The following CNTN1 variants were observed in gnomAD, a reference collection of about 807,000 sequenced individuals.
CNTN1 encodes contactin-1.
CNTN1 carries 38 observed loss-of-function variants against 126.4 expected under a neutral mutation model. The ratio of observed to expected loss-of-function variants is 0.30; its 90% CI spans 0.23 to 0.39. The LOEUF (loss-of-function observed/expected upper bound fraction) is 0.39, where lower values mean the gene tolerates loss of function less well. Ranked by LOEUF, CNTN1 falls within the 10% of genes least tolerant of loss-of-function variation. The pLI, the probability that CNTN1 is intolerant of heterozygous loss-of-function variation, is 1.00. For missense variants in CNTN1, 1,009 were observed against 1,248.4 expected (o/e 0.81, Z 2.89); for synonymous variants, 413 against 422.6 (o/e 0.98, Z 0.28).
chr12:40,741,796 T>C (rs1355917934), intron 1 of CNTN1, among the ~76,000 whole-genome samples: 1 of 152,082 alleles, frequency 6.6e-6, no homozygotes, highest in South Asian at 2.1e-4. Context: ...GATGGATATT[T>C]ACAAATAACA....
intron 23 of CNTN1, among the ~76,000 whole-genome samples, chr12:41,048,313 C>A (rs2121004996): frequency 1.3e-5 from 2 of 152,258 alleles, no homozygotes; most frequent in South Asian, 4.1e-4. Context: ...AAACCTATTT[C>A]ACACCTTCTT....
At chr12:40,811,794 C>T (rs368268168) in intron 1 of CNTN1, among the ~76,000 whole-genome samples, 14 of 146,498 alleles carry the variant, frequency 9.6e-5, no homozygotes, top group East Asian at 2.0e-4. Flanking sequence ...CTTTTTCCTT[C>T]GTCTCACTGA....
intron 1 of CNTN1, among the ~76,000 whole-genome samples, chr12:40,748,983 G>A (rs80082554): frequency 2.0e-5 from 3 of 151,964 alleles, no homozygotes; most frequent in Non-Finnish European, 2.9e-5. Context: ...ACACCCCTGA[G>A]GTTCTTTTAC....
intron 20 of CNTN1, among the ~76,000 whole-genome samples, chr12:41,023,077 A>C (rs898718607): frequency 2.6e-5 from 4 of 152,180 alleles, no homozygotes; most frequent in Admixed American, 2.0e-4. Flanking sequence ...TCCATTTTAA[A>C]ATATGATGGG....
At chr12:40,937,121 CTCCT>C (rs1373665024) in intron 10 of CNTN1, among the ~76,000 whole-genome samples, 1 of 152,052 alleles carries the variant, frequency 6.6e-6, no homozygotes, top group Admixed American at 6.6e-5. Flanking sequence ...CTCTCTCTCT[CTCCT>C]TATTTTTTTC....
Position 40,930,127 on chromosome 12 carries a change from A to T in CNTN1, c.703+125A>T, listed in dbSNP as rs1474422181. On this transcript the variant is annotated intron_variant, in intron 7 of 23. Transcript: ENST00000551295. ...TTCAGGAAGGACAATATAAAAGGGGATGCATGTTGAAGGGGCCAAAGGCTT... is the reference window on the plus strand; with the variant it reads ...TTCAGGAAGGACAATATAAAAGGGGTTGCATGTTGAAGGGGCCAAAGGCTT... 21 of 826,498 alleles carry T rather than the reference A, an allele frequency of 2.5e-5. No individual in the cohort carries two copies. The Admixed American group carries it at 2.9e-4, about 11-fold the overall frequency. The allele number at this position is 826,498 out of a possible 1,614,324, so 51.2% of individuals were successfully genotyped here. A position where few individuals can be genotyped will look rare whatever the true frequency, so the allele number is the denominator to read the frequency against.
intron 1 of CNTN1, among the ~76,000 whole-genome samples, chr12:40,816,220 G>A (rs1941250330): frequency 6.6e-6 from 1 of 152,154 alleles, no homozygotes; most frequent in Non-Finnish European, 1.5e-5. Context: ...GTTTCAGAAG[G>A]AATGGTACTA....
At chr12:40,777,975 T>C (rs1311306652) in intron 1 of CNTN1, among the ~76,000 whole-genome samples, 3 of 151,886 alleles carry the variant, frequency 2.0e-5, no homozygotes, top group Non-Finnish European at 4.4e-5. Context: ...TACCAGATTA[T>C]GGAAGTCCTT....
chr12:40,765,679 C>A (rs1939056731), intron 1 of CNTN1, among the ~76,000 whole-genome samples: 1 of 152,124 alleles, frequency 6.6e-6, no homozygotes, highest in South Asian at 2.1e-4. Flanking sequence ...TTTTGACAAT[C>A]CAAGACCTTT....
chr12:40,809,660 T>C (rs1940978069), intron 1 of CNTN1, among the ~76,000 whole-genome samples: 1 of 152,030 alleles, frequency 6.6e-6, no homozygotes, highest in African/African-American at 2.4e-5. Flanking sequence ...CTACTAAAAA[T>C]ATAAAATTAG....
At chr12:40,836,208 A>G (rs1031545070) in intron 1 of CNTN1, among the ~76,000 whole-genome samples, 3 of 148,166 alleles carry the variant, frequency 2.0e-5, no homozygotes, top group African/African-American at 7.4e-5. Context: ...TAAATAATAT[A>G]TATGTATATA....
intron 1 of CNTN1, among the ~76,000 whole-genome samples, chr12:40,719,311 G>A (rs1592007818): frequency 6.6e-6 from 1 of 152,180 alleles, no homozygotes; most frequent in African/African-American, 2.4e-5. Flanking sequence ...ATTTAAGATT[G>A]AGGATAATTG....
chr12:40,722,287 T>A (rs1355089965), intron 1 of CNTN1, among the ~76,000 whole-genome samples: 3 of 152,244 alleles, frequency 2.0e-5, no homozygotes, highest in Admixed American at 1.3e-4. Flanking sequence ...TTGTATCTTA[T>A]CTATTCCACT....
chr12:40,834,826 A>G (rs555992252), intron 1 of CNTN1, among the ~76,000 whole-genome samples: 1 of 152,292 alleles, frequency 6.6e-6, no homozygotes, highest in South Asian at 2.1e-4. Flanking sequence ...ATCATCTTCT[A>G]TAGAAGGAAA....
At chr12:41,007,415 C>T (rs545956161) in intron 17 of CNTN1, among the ~76,000 whole-genome samples, 15 of 152,104 alleles carry the variant, frequency 9.9e-5, no homozygotes, top group Non-Finnish European at 2.1e-4. Context: ...GGATATGAAG[C>T]AGCTATATCA....
chr12:40,935,464 C>T lies in CNTN1; in HGVS notation c.986-1317C>T, dbSNP rs116950382. Among the ~76,000 whole-genome samples the T allele has an allele frequency of 1.2e-3, 188 of 152,084 alleles. 2 individuals are homozygous for T. In the East Asian group the frequency reaches 0.019, roughly 15 times the overall value. ...AAATATTATTTATTCTTTACTAATG[C>T]AGCATACTAAGTATTATCTTTAGGT... is the stretch of plus-strand genomic sequence containing the variant. On this transcript the variant is annotated intron_variant, in intron 9 of 23. Transcript: ENST00000551295.
chr12:40,893,610 T>TA (rs953816770), intron 1 of CNTN1, among the ~76,000 whole-genome samples: 4 of 152,142 alleles, frequency 2.6e-5, no homozygotes, highest in Non-Finnish European at 4.4e-5. Flanking sequence ...TCCCAATAGA[T>TA]ACAGCTCTTA....
chr12:40,759,427 C>T (rs1410583213), intron 1 of CNTN1, among the ~76,000 whole-genome samples: 1 of 150,934 alleles, frequency 6.6e-6, no homozygotes, highest in African/African-American at 2.4e-5. Context: ...TTCTTTCTCC[C>T]TCCCCTCCCC....
chr12:41,009,468 A>T (rs1948592151), intron 17 of CNTN1, among the ~76,000 whole-genome samples: 1 of 152,130 alleles, frequency 6.6e-6, no homozygotes, highest in South Asian at 2.1e-4. Flanking sequence ...TACTCAGGTA[A>T]CCCACTGGCT....
Sources: gnomAD v4.1 joint callset for allele counts (sites outside exome capture counted in the v4.1 genomes callset) on GRCh38, gnomAD v4.1.1 for gene constraint, MANE v1.5 for transcripts, NCBI Gene and HGNC (gene_info 2026-07-23, HGNC 2026-07-21) for gene names.